Variants in NLRP9 observed in about 807,000 individuals in gnomAD.
NLRP9 encodes the protein NLR family pyrin domain containing 9.
Under a neutral mutation model 83.1 loss-of-function variants are expected in NLRP9, and 88 were observed. The ratio of observed to expected loss-of-function variants is 1.06; its 90% CI spans 0.89 to 1.26. The LOEUF (loss-of-function observed/expected upper bound fraction) is 1.26. Among genes scored for constraint, NLRP9 ranks in the 50% most tolerant of loss-of-function variants. The pLI, the probability that NLRP9 is intolerant of heterozygous loss-of-function variation, is 0.00. For missense variants in NLRP9, 1,308 were observed against 1,179.3 expected (o/e 1.11, Z -1.60); for synonymous variants, 521 against 447.6 (o/e 1.16, Z -2.07).
At position 55,708,647 on chromosome 19, in the gene NLRP9, G is replaced by A. The variant is rs893703836; in HGVS notation, c.*265C>T. On this transcript the variant is annotated 3_prime_UTR_variant, in exon 9 of 9. Transcript: ENST00000332836. ...AAAGCCATGCTTTCCAGAGCGTTTA[G>A]CACTTGTTTAACGTACTTGTGCTTC... The A allele has an allele frequency of 1.7e-5, 5 of 298,728 alleles. No homozygotes were observed. The highest frequency in any genetic ancestry group is 5.1e-5 in the Admixed American group (1 of 19,554). 18.5% of individuals were successfully genotyped at this position (298,728 alleles called of 1,614,324 possible).
intron 1 of NLRP9, among the ~76,000 whole-genome samples, chr19:55,735,339 C>T (rs939779203): frequency 3.1e-5 from 4 of 130,428 alleles, no homozygotes; most frequent in South Asian, 5.9e-4. Context: ...GTAATCCCAG[C>T]GCTTTGGGAG....
At chr19:55,713,221 T>C (rs1425943236) in intron 6 of NLRP9, among the ~76,000 whole-genome samples, 4 of 151,538 alleles carry the variant, frequency 2.6e-5, no homozygotes, top group African/African-American at 4.8e-5. Flanking sequence ...GACTATTTTG[T>C]ATATCATGTG....
intron 2 of NLRP9, among the ~76,000 whole-genome samples, chr19:55,730,455 G>GAAA (rs748459490): frequency 0.12 from 13,631 of 115,130 alleles, 740 homozygotes; most frequent in African/African-American, 0.18. Flanking sequence ...CCTGCCTCAA[G>GAAA]AAAAAAAAAA....
At position 55,733,277 on chromosome 19, in the gene NLRP9, A is replaced by G; in HGVS notation, c.554T>C (p.Leu185Pro). Residue 185 changes from leucine to proline, a missense_variant, in exon 2 of 9, where the codon CTC becomes CCC. Leu to Pro is a moderately conservative substitution (Grantham distance 98). Coordinates refer to ENST00000332836, the MANE Select transcript of NLRP9 (RefSeq NM_176820.4). ...GATACCGTTCATTTCACAGACATTG[A>G]GGAAAAACACAAATGTGAACCTGTC... ...WKDRFTFVFF[L>P]NVCEMNGIAE... is the part of the protein sequence containing the mutation. 1 of 1,614,068 alleles carries G rather than the reference A, an allele frequency of 6.2e-7. No individual in the cohort carries two copies. The highest frequency in any genetic ancestry group is 8.5e-7 in the Non-Finnish European group (1 of 1,179,926).
intron 1 of NLRP9, among the ~76,000 whole-genome samples, chr19:55,735,545 T>C (rs1212676804): frequency 6.6e-6 from 1 of 152,236 alleles, no homozygotes; most frequent in African/African-American, 2.4e-5. Flanking sequence ...CTCTACATTT[T>C]TCTTCTGCCC....
At position 55,733,041 on chromosome 19, in the gene NLRP9, T is replaced by A; in HGVS notation, c.790A>T (p.Lys264Ter). 6.2e-7 allele frequency: 1 copy of A among 1,613,580 alleles called. No homozygotes were observed. Among genetic ancestry groups the A allele is most frequent in the East Asian group, 2.2e-5 (1 of 44,888 alleles). The change falls in exon 2 of 9, where the codon AAG (lysine) becomes TAG (stop). Residue 264 changes from lysine (K) to a stop codon, truncating the protein, a stop_gained. Coordinates refer to ENST00000332836, the MANE Select transcript of NLRP9 (RefSeq NM_176820.4). LOFTEE classifies it high-confidence loss of function. ...AGGAGAGAGGATTCTGGAAGCATCT[T>A]TTTTTGCAACAAACTGCTCAGGATA... ...PIILSSLLQKKMLPESSLLIA... is the reference protein window; with the variant it reads ...PIILSSLLQK
At chr19:55,716,939 C>G in intron 4 of NLRP9, 41 bp from the exon 5 acceptor site, 1 of 1,556,202 alleles carries the variant, frequency 6.4e-7, no homozygotes, top group Non-Finnish European at 8.8e-7. Context: ...CCAAAGCTTT[C>G]AATCGCTCAT....
intron 4 of NLRP9, 126 bp from the exon 5 acceptor site, chr19:55,717,024 ACT>A: frequency 3.7e-6 from 2 of 535,336 alleles, no homozygotes; most frequent in Non-Finnish European, 6.2e-6. Context: ...TACACTACAG[ACT>A]CTTTTTCTTT....
chr19:55,728,080 G>C (rs938582438), intron 3 of NLRP9, among the ~76,000 whole-genome samples: 31 of 152,264 alleles, frequency 2.0e-4, no homozygotes, highest in African/African-American at 6.5e-4. Context: ...TCATCTACCA[G>C]GGAAGCTCAT....
chr19:55,733,275 TG>T lies in NLRP9; in HGVS notation c.555del (p.Asn186MetfsTer5). On this transcript the variant is annotated frameshift_variant, in exon 2 of 9. Coordinates refer to ENST00000332836, the MANE Select transcript of NLRP9 (RefSeq NM_176820.4). LOFTEE classifies it high-confidence loss of function. The stretch of plus-strand genomic sequence containing the variant: ...GCGATACCGTTCATTTCACAGACAT[TG>T]AGGAAAAACACAAATGTGAACCTGT... ...WKDRFTFVFF[L>X]NVCEMNGIAE... 6.2e-7 allele frequency: 1 copy of T among 1,614,058 alleles called. No homozygotes were observed. Among genetic ancestry groups the T allele is most frequent in the Non-Finnish European group, 8.5e-7 (1 of 1,179,944 alleles).
chr19:55,708,914 AGAG>A lies in NLRP9; in HGVS notation c.2971_2973del (p.Leu991del). On this transcript the variant is annotated inframe_deletion, in exon 9 of 9. Coordinates refer to ENST00000332836, the MANE Select transcript of NLRP9 (RefSeq NM_176820.4). ...CGACTACTTCAGGGTGTTCCCCATCAGAGGAGCACACCCCTGATCTTGTATTCC... is the reference window on the plus strand; with the variant it reads ...CGACTACTTCAGGGTGTTCCCCATCAGAGCACACCCCTGATCTTGTATTCC... 1.9e-6 allele frequency: 3 copies of A among 1,540,618 alleles called. No homozygotes were observed. Among genetic ancestry groups the A allele is most frequent in the Non-Finnish European group, 2.6e-6 (3 of 1,153,114 alleles).
In NLRP9 at chr19:55,708,895, C is replaced by T; in HGVS notation, c.*17G>A. On this transcript the variant is annotated 3_prime_UTR_variant, in exon 9 of 9. Coordinates refer to ENST00000332836, the MANE Select transcript of NLRP9 (RefSeq NM_176820.4). ...AAGGAAAGCCTTTGTGAGACGACTACTTCAGGGTGTTCCCCATCAGAGGAG... is the reference window on the plus strand; with the variant it reads ...AAGGAAAGCCTTTGTGAGACGACTATTTCAGGGTGTTCCCCATCAGAGGAG... The T allele has an allele frequency of 6.6e-7, 1 of 1,524,040 alleles. No homozygotes were observed. The highest frequency in any genetic ancestry group is 8.7e-7 in the Non-Finnish European group (1 of 1,143,372). The allele number at this position is 1,524,040 out of a possible 1,614,324, so 94.4% of individuals were successfully genotyped here.
At chr19:55,716,431 G>T (rs1568595340) in intron 5 of NLRP9, among the ~76,000 whole-genome samples, 2 of 151,624 alleles carry the variant, frequency 1.3e-5, no homozygotes, top group Non-Finnish European at 1.5e-5. Context: ...GCTAATTTTT[G>T]TATTTTTAGT....
At chr19:55,723,835 C>A in intron 4 of NLRP9, 145 bp downstream of exon 4, 1 of 627,662 alleles carries the variant, frequency 1.6e-6, no homozygotes, top group Non-Finnish European at 2.7e-6. Flanking sequence ...CTACCTTCAC[C>A]TTATGAGAGA....
intron 1 of NLRP9, among the ~76,000 whole-genome samples, chr19:55,734,796 A>G (rs111437896): frequency 0.021 from 3,225 of 151,876 alleles, 82 homozygotes; most frequent in African/African-American, 0.059. Context: ...CACCACGCCC[A>G]GCTAATTTTT....
At chr19:55,718,593 TCC>T (rs1988111715) in intron 4 of NLRP9, among the ~76,000 whole-genome samples, 2 of 152,154 alleles carry the variant, frequency 1.3e-5, no homozygotes, top group African/African-American at 4.8e-5. Flanking sequence ...ACAGTACCTT[TCC>T]TTGAACTTAT....
At chr19:55,727,873 C>T (rs1015633421) in intron 3 of NLRP9, among the ~76,000 whole-genome samples, 2 of 152,094 alleles carry the variant, frequency 1.3e-5, no homozygotes, top group Non-Finnish European at 1.5e-5. Flanking sequence ...AGACCTTGTA[C>T]GACTTGCAAT....
At chr19:55,728,060 A>G (rs903106790) in intron 3 of NLRP9, among the ~76,000 whole-genome samples, 31 of 152,310 alleles carry the variant, frequency 2.0e-4, no homozygotes, top group African/African-American at 6.5e-4. Context: ...GTGAGAACAC[A>G]TGTGAAGTGT....
Position 55,708,867 on chromosome 19 carries a change from G to A in NLRP9, c.*45C>T, listed in dbSNP as rs200640694. On this transcript the variant is annotated 3_prime_UTR_variant, in exon 9 of 9. Transcript: ENST00000332836. ...GGTGCCAGGTGAAGGTCCCACTGTG[G>A]CCAAGGAAAGCCTTTGTGAGACGAC... is the stretch of plus-strand genomic sequence containing the variant. The A allele has an allele frequency of 4.1e-6, 6 of 1,450,278 alleles. No homozygotes were observed. The African/African-American group carries it at 5.9e-5, about 14-fold the overall frequency. 89.8% of individuals were successfully genotyped at this position (1,450,278 alleles called of 1,614,324 possible).
Sources: gnomAD v4.1 joint callset for allele counts (sites outside exome capture counted in the v4.1 genomes callset) on GRCh38, gnomAD v4.1.1 for gene constraint, MANE v1.5 for transcripts, NCBI Gene and HGNC (gene_info 2026-07-23, HGNC 2026-07-21) for gene names.